NRG1: variants seen among roughly 807,000 people sequenced by gnomAD.
NRG1 encodes pro-neuregulin-1, membrane-bound isoform.
A neutral mutation model predicts 63.8 loss-of-function variants in NRG1; 18 were observed. The observed-to-expected ratio is 0.28, with a 90% CI of 0.19 to 0.42. NRG1 has a LOEUF of 0.42. Ranked by LOEUF, NRG1 falls within the 10% of genes least tolerant of loss-of-function variation. The pLI, the probability that NRG1 is intolerant of heterozygous loss-of-function variation, is 1.00. For synonymous variants in NRG1, 302 were observed against 301.3 expected (o/e 1.00, Z -0.02); for missense variants, 762 against 814.7 (o/e 0.94, Z 0.79).
intron 1 of NRG1, among the ~76,000 whole-genome samples, chr8:32,450,100 C>T (rs914761030): frequency 6.6e-5 from 10 of 152,106 alleles, no homozygotes; most frequent in Admixed American, 2.0e-4. Context: ...TATGATAGAG[C>T]GAAGATAGAA....
In NRG1 at chr8:32,067,421, G is replaced by T. The variant is rs1233321479; in HGVS notation, c.37+427990G>T. 6.6e-5 allele frequency among the ~76,000 whole-genome samples: 10 copies of T among 152,254 alleles called. No homozygotes were observed. The East Asian group carries it at 1.5e-3, about 24-fold the overall frequency. On this transcript the variant is annotated intron_variant, in intron 1 of 10. Coordinates refer to the NRG1 transcript ENST00000519301. ...GAAGCGTTGTTGAAGTTTGTCAAAG[G>T]CCTTTTCTGCATCTACTGAGATAAT... is the stretch of plus-strand genomic sequence containing the variant.
At chr8:32,062,055 C>T (rs1361983885) in intron 1 of NRG1, among the ~76,000 whole-genome samples, 2 of 151,890 alleles carry the variant, frequency 1.3e-5, no homozygotes, top group African/African-American at 4.8e-5. Context: ...AAGTTCTCCT[C>T]AGTTCATGCA....
At chr8:31,857,552 A>G (rs2129609970) in intron 1 of NRG1, among the ~76,000 whole-genome samples, 1 of 152,300 alleles carries the variant, frequency 6.6e-6, no homozygotes, top group African/African-American at 2.4e-5. Context: ...CTCAGATGGA[A>G]ATGCAGAAAT....
At chr8:31,734,626 A>G (rs1009771281) in intron 1 of NRG1, among the ~76,000 whole-genome samples, 3 of 152,212 alleles carry the variant, frequency 2.0e-5, no homozygotes, top group Admixed American at 2.0e-4. Context: ...TTCAGTCTTA[A>G]ACTTCAGCAC....
intron 1 of NRG1, among the ~76,000 whole-genome samples, chr8:32,128,586 A>G (rs1458568751): frequency 6.6e-6 from 1 of 151,990 alleles, no homozygotes; most frequent in Non-Finnish European, 1.5e-5. Context: ...GCAAATCTAT[A>G]GCAGAATGCT....
intron 1 of NRG1, among the ~76,000 whole-genome samples, chr8:32,058,094 C>T (rs1052068749): frequency 6.6e-6 from 1 of 152,060 alleles, no homozygotes; most frequent in Non-Finnish European, 1.5e-5. Flanking sequence ...TATTAATTCA[C>T]CACGTGTAGC....
At chr8:32,036,719 A>C (rs1442792938) in intron 1 of NRG1, among the ~76,000 whole-genome samples, 1 of 151,854 alleles carries the variant, frequency 6.6e-6, no homozygotes, top group African/African-American at 2.4e-5. Flanking sequence ...CACTTGGTCT[A>C]TTCAGTTATT....
At chr8:31,813,839 G>T (rs570443840) in intron 1 of NRG1, among the ~76,000 whole-genome samples, 1 of 152,124 alleles carries the variant, frequency 6.6e-6, no homozygotes, top group African/African-American at 2.4e-5. Flanking sequence ...GAATTTTCTT[G>T]AATGCTTCAA....
chr8:32,328,281 G>A (rs1177800504), intron 1 of NRG1, among the ~76,000 whole-genome samples: 1 of 152,120 alleles, frequency 6.6e-6, no homozygotes, highest in African/African-American at 2.4e-5. Flanking sequence ...CAATTATTTT[G>A]ATCAGAATGT....
chr8:31,976,431 T>G (rs1366871415), intron 1 of NRG1, among the ~76,000 whole-genome samples: 1 of 152,180 alleles, frequency 6.6e-6, no homozygotes, highest in Admixed American at 6.5e-5. Context: ...TTCAGTGACA[T>G]GGACCCTCAG....
intron 1 of NRG1, among the ~76,000 whole-genome samples, chr8:32,135,832 T>G (rs1252840515): frequency 6.6e-6 from 1 of 151,928 alleles, no homozygotes; most frequent in Middle Eastern, 3.4e-3. Flanking sequence ...CTTATAGATA[T>G]GAAAGAGAAG....
intron 1 of NRG1, among the ~76,000 whole-genome samples, chr8:31,894,466 G>T (rs1248159067): frequency 1.3e-5 from 2 of 151,490 alleles, no homozygotes; most frequent in Non-Finnish European, 2.9e-5. Flanking sequence ...ATGAATGTAT[G>T]TTAAAAGGCT....
chr8:32,120,451 A>G (rs1833295242), intron 1 of NRG1, among the ~76,000 whole-genome samples: 1 of 152,038 alleles, frequency 6.6e-6, no homozygotes, highest in Non-Finnish European at 1.5e-5. Context: ...GATTAAATAA[A>G]GTGCTAAAAG....
chr8:32,445,871 A>G (rs987793941), intron 1 of NRG1, among the ~76,000 whole-genome samples: 1 of 152,130 alleles, frequency 6.6e-6, no homozygotes, highest in Non-Finnish European at 1.5e-5. Flanking sequence ...AGAGAAGAGT[A>G]GGGTTTGTTG....
chr8:32,293,698 T>G (rs1854481751), intron 1 of NRG1, among the ~76,000 whole-genome samples: 1 of 150,698 alleles, frequency 6.6e-6, no homozygotes, highest in Non-Finnish European at 1.5e-5. Flanking sequence ...TTTTTACTAT[T>G]TCTTTTTTCT....
intron 9 of NRG1, among the ~76,000 whole-genome samples, chr8:32,757,062 A>G (rs1471302707): frequency 6.6e-6 from 1 of 152,168 alleles, no homozygotes; most frequent in Non-Finnish European, 1.5e-5. Flanking sequence ...TCAGTAGCAA[A>G]AGAAGAGTGT....
intron 5 of NRG1, among the ~76,000 whole-genome samples, chr8:32,651,141 T>C (rs547503020): frequency 6.6e-6 from 1 of 152,336 alleles, no homozygotes; most frequent in African/African-American, 2.4e-5. Context: ...AGGCAAAATA[T>C]GACATTTTAA....
At chr8:32,136,526 C>G (rs1184493920) in intron 1 of NRG1, 1 of 152,178 alleles carries the variant, frequency 6.6e-6, no homozygotes, top group Non-Finnish European at 1.5e-5. Context: ...TTGTGATGGT[C>G]TACTTGAGCT....
intron 1 of NRG1, among the ~76,000 whole-genome samples, chr8:32,532,078 T>C (rs1472614200): frequency 6.6e-6 from 1 of 152,146 alleles, no homozygotes; most frequent in Non-Finnish European, 1.5e-5. Flanking sequence ...GCAGTAAACC[T>C]TCTCTTTTGT....
Sources: allele counts gnomAD v4.1 joint callset (sites outside exome capture counted in the v4.1 genomes callset), GRCh38; gene constraint gnomAD v4.1.1; transcripts MANE v1.5; gene names NCBI Gene and HGNC (gene_info 2026-07-23, HGNC 2026-07-21).